CLN6: variants seen among roughly 807,000 people sequenced by gnomAD.
CLN6 encodes the protein CLN6 transmembrane ER protein.
In CLN6, 22 loss-of-function variants were observed where a neutral mutation model predicts 33.3. The ratio of observed to expected loss-of-function variants is 0.66; its 90% CI spans 0.47 to 0.94. The LOEUF is 0.94. Ranked by LOEUF, CLN6 falls within the 40% of genes least tolerant of loss-of-function variation. The probability of loss-of-function intolerance (pLI) is 0.00; values close to 1 mark genes in which losing one functional copy is unlikely to be tolerated. For synonymous variants in CLN6, 201 were observed against 174.6 expected (o/e 1.15, Z -1.19); for missense variants, 387 against 417.1 (o/e 0.93, Z 0.63).
At position 68,209,784 on chromosome 15, in the gene CLN6, A is replaced by T. The variant is rs2141137367; in HGVS notation, c.543-25T>A. The T allele has an allele frequency of 2.5e-6, 4 of 1,611,834 alleles. No individual in the cohort carries two copies. The East Asian group carries it at 8.9e-5, about 36-fold the overall frequency. ...CCTGTGACAGGAAGGCCAGTGTCTT[A>T]GAGGCCTGCTCAGCGGCCCTCTTCC... On this transcript the variant is annotated intron_variant, in intron 5 of 6. Coordinates refer to ENST00000249806, the MANE Select transcript of CLN6 (RefSeq NM_017882.3). This position sits in a 1 kb window ranked among gnomAD's most constrained non-coding sequence, Gnocchi z 4.9.
At chr15:68,222,638 C>T (rs547052286) in intron 1 of CLN6, among the ~76,000 whole-genome samples, 2 of 152,306 alleles carry the variant, frequency 1.3e-5, no homozygotes, top group South Asian at 4.1e-4. Context: ...GAGACAGCGA[C>T]CATTGAGAAT....
intron 1 of CLN6, among the ~76,000 whole-genome samples, chr15:68,240,888 A>G (rs1892274185): frequency 6.6e-6 from 1 of 150,880 alleles, no homozygotes; most frequent in Non-Finnish European, 1.5e-5. Context: ...GGAGGCTGAG[A>G]CAGGAGAATC....
intron 1 of CLN6, among the ~76,000 whole-genome samples, chr15:68,238,008 A>G (rs1158402856): frequency 6.6e-6 from 1 of 152,146 alleles, no homozygotes; most frequent in Non-Finnish European, 1.5e-5. Context: ...CTGTAGTCCC[A>G]GGTACTCGGG....
upstream of CLN6, among the ~76,000 whole-genome samples, chr15:68,233,784 G>C (rs955548370): frequency 1.3e-5 from 2 of 152,214 alleles, no homozygotes; most frequent in African/African-American, 4.8e-5. This position sits in a 1 kb window ranked among gnomAD's most constrained non-coding sequence, Gnocchi z 4.3. Context: ...GGATCTCTAA[G>C]TGTGGGCAAC....
chr15:68,226,477 CTTTT>C (rs1346461233), intron 1 of CLN6, among the ~76,000 whole-genome samples: 2 of 150,718 alleles, frequency 1.3e-5, no homozygotes, highest in Non-Finnish European at 3.0e-5. Context: ...CCTTTTTTTT[CTTTT>C]TTGAGACGGA....
At position 68,246,876 on chromosome 15, in the gene CLN6, C is replaced by T. The variant is rs1268590656; in HGVS notation, c.179+9814G>A. On this transcript the variant is annotated intron_variant, in intron 1 of 6. Coordinates refer to the CLN6 transcript ENST00000538696. This position sits in a 1 kb window ranked among gnomAD's most constrained non-coding sequence, Gnocchi z 4.5. ...CCAAATAAATAAAATTAAAAATGGG[C>T]TGGGCACGGTGGCTCATGACTGTAA... is the stretch of plus-strand genomic sequence containing the variant. Among the ~76,000 whole-genome samples the T allele has an allele frequency of 6.6e-6, 1 of 152,024 alleles. No individual in the cohort carries two copies. Among genetic ancestry groups the T allele is most frequent in the Admixed American group, 6.6e-5 (1 of 15,258 alleles).
chr15:68,250,398 G>A (rs1006644888), intron 1 of CLN6, among the ~76,000 whole-genome samples: 2 of 151,752 alleles, frequency 1.3e-5, no homozygotes, highest in African/African-American at 2.4e-5. Flanking sequence ...TAAGGCAGGC[G>A]GATCAAGAGG....
rs902213731 is a variant in CLN6 at position 68,243,329 on chromosome 15, C to T, written c.179+13361G>A. Reference sequence around the variant, plus strand: ...GGGCCAGAATCTCGGCCTACTTTTCCGAATAACAGAGTTTTCTTAGAAAAT... The same window carrying T: ...GGGCCAGAATCTCGGCCTACTTTTCTGAATAACAGAGTTTTCTTAGAAAAT... On this transcript the variant is annotated intron_variant, in intron 1 of 6. Coordinates refer to the CLN6 transcript ENST00000538696. Among the ~76,000 whole-genome samples the T allele has an allele frequency of 4.6e-5, 7 of 152,164 alleles. No homozygotes were observed. In the East Asian group the frequency reaches 5.8e-4, roughly 13 times the overall value.
intron 2 of CLN6, 66 bp downstream of exon 2, chr15:68,218,470 G>T: frequency 8.5e-7 from 1 of 1,178,672 alleles, no homozygotes; most frequent in Non-Finnish European, 1.3e-6. Flanking sequence ...AGGTCACTCG[G>T]CAAATTCAAG....
At position 68,219,074 on chromosome 15, in the gene CLN6, A is replaced by G. The variant is rs1470985551; in HGVS notation, c.84-424T>C. ...ACATGTATTATCTCATTTAATCCTCACAGAAACCTTTCAAGGCTGAAATAT... is the reference window on the plus strand; with the variant it reads ...ACATGTATTATCTCATTTAATCCTCGCAGAAACCTTTCAAGGCTGAAATAT... On this transcript the variant is annotated intron_variant, in intron 1 of 6. Coordinates refer to ENST00000249806, the MANE Select transcript of CLN6 (RefSeq NM_017882.3). The surrounding 1 kb of genome is among the most constrained non-coding windows in gnomAD (Gnocchi z 4.2). Among the ~76,000 whole-genome samples, 1 of 152,206 alleles carries G rather than the reference A, an allele frequency of 6.6e-6. No homozygotes were observed. The highest frequency in any genetic ancestry group is 2.4e-5 in the African/African-American group (1 of 41,464).
intron 2 of CLN6, 114 bp from the exon 3 acceptor site, chr15:68,214,502 C>A: frequency 1.4e-6 from 1 of 717,982 alleles, no homozygotes; most frequent in Non-Finnish European, 2.5e-6. Context: ...CCCCCCACCC[C>A]ATCATGTACA....
chr15:68,224,442 C>T (rs11639222), intron 1 of CLN6, among the ~76,000 whole-genome samples: 72,741 of 150,978 alleles, frequency 0.48, 18,296 homozygotes, highest in Non-Finnish European at 0.56. Flanking sequence ...ACCAACATGA[C>T]GAAACTCCGT....
At chr15:68,225,665 T>C (rs1048322395) in intron 1 of CLN6, among the ~76,000 whole-genome samples, 3 of 152,230 alleles carry the variant, frequency 2.0e-5, no homozygotes, top group Non-Finnish European at 1.5e-5. Flanking sequence ...TTTTAAAATT[T>C]TTCCTTTTTT....
intron 1 of CLN6, among the ~76,000 whole-genome samples, chr15:68,222,045 A>G: frequency 8.3e-6 from 1 of 121,120 alleles, no homozygotes. Context: ...CTGGGATGTG[A>G]GGAGCGCCTC....
chr15:68,214,809 A>T (rs552450386), intron 2 of CLN6: 3 of 289,600 alleles, frequency 1.0e-5, no homozygotes, highest in African/African-American at 6.5e-5. Flanking sequence ...CTATAACACA[A>T]GAGAGGTGGC....
Position 68,207,999 on chromosome 15 carries a change from C to CAG in CLN6, c.*140_*141insCT. 1.3e-6 allele frequency: 1 copy of CAG among 796,820 alleles called. No homozygotes were observed. The highest frequency in any genetic ancestry group is 2.7e-5 in the East Asian group (1 of 37,434). The allele number at this position is 796,820 out of a possible 1,614,324, so 49.4% of individuals were successfully genotyped here. The stretch of plus-strand genomic sequence containing the variant: ...TACAAGACACACACACACACACACA[C>CAG]GAATCCACGCACACGAGGCACACCC... On this transcript the variant is annotated 3_prime_UTR_variant, in exon 7 of 7. Transcript: ENST00000249806.
At chr15:68,249,244 G>T (rs1892354724) in intron 1 of CLN6, among the ~76,000 whole-genome samples, 1 of 152,198 alleles carries the variant, frequency 6.6e-6, no homozygotes. Context: ...TACCACAGCT[G>T]CTATGCAAAG....
At chr15:68,255,053 T>C in intron 1 of CLN6, 1 of 610,044 alleles carries the variant, frequency 1.6e-6, no homozygotes, top group Non-Finnish European at 2.9e-6. Flanking sequence ...CTGTGTTTTT[T>C]GGGAAAGGGG....
intron 1 of CLN6, among the ~76,000 whole-genome samples, chr15:68,222,979 T>G (rs1223901321): frequency 2.6e-5 from 4 of 152,064 alleles, no homozygotes; most frequent in South Asian, 4.1e-4. Context: ...CCCAGGGACA[T>G]AAACACTGAG....
Sources: allele counts gnomAD v4.1 joint callset (sites outside exome capture counted in the v4.1 genomes callset), GRCh38; gene constraint gnomAD v4.1.1; non-coding constraint Gnocchi (gnomAD v3.1); transcripts MANE v1.5; gene names NCBI Gene and HGNC (gene_info 2026-07-23, HGNC 2026-07-21).